The following RNF220 variants were observed in gnomAD, a reference collection of about 807,000 sequenced individuals.
RNF220 encodes the protein ring finger protein 220.
Under a neutral mutation model 67.1 loss-of-function variants are expected in RNF220, and 7 were observed. The observed-to-expected ratio is 0.10, with a 90% CI of 0.06 to 0.20. The LOEUF is 0.20. Ranked by LOEUF, RNF220 falls within the 10% of genes least tolerant of loss-of-function variation. RNF220 has a pLI of 1.00. For missense variants in RNF220, 565 were observed against 740.3 expected (o/e 0.76, Z 2.75); for synonymous variants, 270 against 283.2 (o/e 0.95, Z 0.47).
intron 2 of RNF220, among the ~76,000 whole-genome samples, chr1:44,558,330 A>G (rs1663282617): frequency 6.6e-6 from 1 of 152,224 alleles, no homozygotes; most frequent in Non-Finnish European, 1.5e-5. Context: ...CAAGGGCCAT[A>G]CCTTTGGCTG....
In RNF220 at chr1:44,412,710, C is replaced by G. The variant is rs776288553; in HGVS notation, c.613C>G (p.Arg205Gly). The G allele has an allele frequency of 3.7e-6, 6 of 1,613,748 alleles. No homozygotes were observed. The highest frequency in any genetic ancestry group is 5.1e-6 in the Non-Finnish European group (6 of 1,179,806). Residue 205 changes from arginine (R) to glycine (G), a missense_variant, in exon 2 of 15, where the codon CGG becomes GGG. Coordinates refer to ENST00000361799, the MANE Select transcript of RNF220 (RefSeq NM_018150.4). The surrounding 1 kb of genome is among the most constrained non-coding windows in gnomAD (Gnocchi z 5.3). ...DREASSSPEDRNDRCKKKAAA... is the reference protein window; with the variant it reads ...DREASSSPEDGNDRCKKKAAA... The stretch of plus-strand genomic sequence containing the variant: ...GGAAGCCTCATCTAGCCCAGAGGAT[C>G]GGAATGACAGATGTAAGTACTTTGG...
chr1:44,477,125 G>T lies in RNF220; in HGVS notation c.625+64403G>T, dbSNP rs192836724. 2.2e-3 allele frequency among the ~76,000 whole-genome samples: 337 copies of T among 152,312 alleles called. 1 individual carries two copies. The highest frequency in any genetic ancestry group is 4.1e-3 in the Non-Finnish European group (280 of 68,024). On this transcript the variant is annotated intron_variant, in intron 2 of 14. Coordinates refer to ENST00000361799, the MANE Select transcript of RNF220 (RefSeq NM_018150.4). The stretch of plus-strand genomic sequence containing the variant: ...TAAAGCTGCTCAAAGAGTATGCAAA[G>T]TGTTTCCTAACATATGCATATGAAG...
intron 3 of RNF220, among the ~76,000 whole-genome samples, chr1:44,617,527 G>A (rs895619013): frequency 6.6e-6 from 1 of 152,270 alleles, no homozygotes; most frequent in African/African-American, 2.4e-5. Flanking sequence ...GAGCGTGTCA[G>A]CTCCCTCCGG....
chr1:44,485,879 T>C (rs892733384), intron 2 of RNF220, among the ~76,000 whole-genome samples: 2 of 151,708 alleles, frequency 1.3e-5, no homozygotes, highest in African/African-American at 4.9e-5. Flanking sequence ...CGGGATAAAA[T>C]AGGGGAACCG....
chr1:44,647,787 C>T (rs916025684), intron 12 of RNF220, among the ~76,000 whole-genome samples: 7 of 152,164 alleles, frequency 4.6e-5, no homozygotes, highest in Non-Finnish European at 1.0e-4. Flanking sequence ...AGCCAATTGT[C>T]TCCCCTAAAC....
At position 44,565,900 on chromosome 1, in the gene RNF220, C is replaced by T. The variant is rs1288895594; in HGVS notation, c.626-48265C>T. On this transcript the variant is annotated intron_variant, in intron 2 of 14. Coordinates refer to ENST00000361799, the MANE Select transcript of RNF220 (RefSeq NM_018150.4). This position sits in a 1 kb window ranked among gnomAD's most constrained non-coding sequence, Gnocchi z 4.2. ...TTGAATCCCACCTCATGGCTGGCCC[C>T]CACTGCTGCTTCTCACTCCCCACCT... 6.6e-6 allele frequency among the ~76,000 whole-genome samples: 1 copy of T among 152,118 alleles called. No individual in the cohort carries two copies. The highest frequency in any genetic ancestry group is 1.5e-5 in the Non-Finnish European group (1 of 68,014).
chr1:44,469,495 A>C (rs74869267), intron 2 of RNF220, among the ~76,000 whole-genome samples: 1 of 152,146 alleles, frequency 6.6e-6, no homozygotes, highest in South Asian at 2.1e-4. Flanking sequence ...CCCCTAATAC[A>C]TTTCCTCTTG....
chr1:44,581,801 A>C (rs1270165992), intron 2 of RNF220, among the ~76,000 whole-genome samples: 1 of 152,156 alleles, frequency 6.6e-6, no homozygotes, highest in Non-Finnish European at 1.5e-5. Flanking sequence ...CTCTTTGGCA[A>C]AGCTAGGACC....
At chr1:44,450,773 C>T (rs908821509) in intron 2 of RNF220, among the ~76,000 whole-genome samples, 1 of 152,154 alleles carries the variant, frequency 6.6e-6, no homozygotes, top group Non-Finnish European at 1.5e-5. Context: ...AACGCTGCAG[C>T]GAACTTTTGG....
chr1:44,547,477 C>T (rs1009906229), intron 2 of RNF220, among the ~76,000 whole-genome samples: 2 of 152,130 alleles, frequency 1.3e-5, no homozygotes, highest in Admixed American at 1.3e-4. Flanking sequence ...TCTCTCTCGG[C>T]ATCTCTCATA....
At chr1:44,536,634 C>T (rs1572808148) in intron 2 of RNF220, among the ~76,000 whole-genome samples, 1 of 152,114 alleles carries the variant, frequency 6.6e-6, no homozygotes, top group African/African-American at 2.4e-5. Flanking sequence ...CATGAAATGG[C>T]GCATCAGTAA....
intron 2 of RNF220, among the ~76,000 whole-genome samples, chr1:44,439,143 A>C (rs1651294478): frequency 6.6e-6 from 1 of 152,258 alleles, no homozygotes; most frequent in African/African-American, 2.4e-5. Flanking sequence ...TGTTAGATAA[A>C]AAGGTAGGCA....
At chr1:44,642,737 G>A (rs1038953650) in intron 8 of RNF220, among the ~76,000 whole-genome samples, 1 of 152,178 alleles carries the variant, frequency 6.6e-6, no homozygotes, top group Non-Finnish European at 1.5e-5. Context: ...TTGCCATGGA[G>A]CCATATTGGG....
Position 44,619,107 on chromosome 1 carries a change from G to T in RNF220, c.759-3635G>T, listed in dbSNP as rs75711730. ...AGGGCGGGGGTGGAGGAAGGAGTTGGCCCCCAGACTTCCCAGTGGCCCTCA... is the reference window on the plus strand; with the variant it reads ...AGGGCGGGGGTGGAGGAAGGAGTTGTCCCCCAGACTTCCCAGTGGCCCTCA... On this transcript the variant is annotated intron_variant, in intron 3 of 14. Coordinates refer to ENST00000361799, the MANE Select transcript of RNF220 (RefSeq NM_018150.4). Among the ~76,000 whole-genome samples, 191 of 152,246 alleles carry T rather than the reference G, an allele frequency of 1.3e-3. 6 individuals carry two copies. The East Asian group carries it at 0.034, about 27-fold the overall frequency.
At position 44,645,177 on chromosome 1, in the gene RNF220, C is replaced by T. The variant is rs768922406; in HGVS notation, c.1311-44C>T. On this transcript the variant is annotated intron_variant, in intron 10 of 14. Coordinates refer to ENST00000361799, the MANE Select transcript of RNF220 (RefSeq NM_018150.4). The surrounding 1 kb of genome is among the most constrained non-coding windows in gnomAD (Gnocchi z 5.0). ...TACTGACCCTCAGGGCTGTCCTGCC[C>T]GCCTTCAGGCCTCACTTTGTTTTTC... 13 of 1,613,726 alleles carry T rather than the reference C, an allele frequency of 8.1e-6. No individual in the cohort carries two copies. The highest frequency in any genetic ancestry group is 1.7e-5 in the Admixed American group (1 of 60,008).
chr1:44,595,873 C>G (rs980993129), intron 2 of RNF220, among the ~76,000 whole-genome samples: 1 of 152,174 alleles, frequency 6.6e-6, no homozygotes, highest in Admixed American at 6.5e-5. Context: ...ACGCCATCCT[C>G]CCACCTCAGC....
At chr1:44,638,651 G>C (rs3754421) in intron 8 of RNF220, among the ~76,000 whole-genome samples, 2,142 of 152,286 alleles carry the variant, frequency 0.014, 71 homozygotes, top group Admixed American at 0.065. Context: ...GCTGTGGGAA[G>C]CAGTGAACGG....
chr1:44,645,291 A>G lies in RNF220; in HGVS notation c.1366+15A>G. 6.2e-7 allele frequency: 1 copy of G among 1,614,038 alleles called. No individual in the cohort carries two copies. On this transcript the variant is annotated intron_variant, in intron 11 of 14. Transcript: ENST00000361799. This position sits in a 1 kb window ranked among gnomAD's most constrained non-coding sequence, Gnocchi z 5.0. ...GGCCAGTGATGGTAAGTCCTGCCCC[A>G]GGTTAGGAGTAATGGGGGAGAGGGG...
At chr1:44,407,307 C>A (rs1206893515) in intron 1 of RNF220, among the ~76,000 whole-genome samples, 4 of 152,056 alleles carry the variant, frequency 2.6e-5, no homozygotes, top group Admixed American at 6.5e-5. Flanking sequence ...AAAAAAAGGG[C>A]GGCAGTGAGG....
Sources: allele counts gnomAD v4.1 joint callset (sites outside exome capture counted in the v4.1 genomes callset), GRCh38; gene constraint gnomAD v4.1.1; non-coding constraint Gnocchi (gnomAD v3.1); transcripts MANE v1.5; gene names NCBI Gene and HGNC (gene_info 2026-07-23, HGNC 2026-07-21).